Variants in RFT1 observed in about 807,000 individuals in gnomAD.
RFT1 encodes the protein RFT1 glycolipid translocator homolog, also known as man(5)GlcNAc(2)-PP-dolichol translocation protein RFT1.
A neutral mutation model predicts 62.2 loss-of-function variants in RFT1; 43 were observed. The observed-to-expected ratio is 0.69, with a 90% CI of 0.54 to 0.89. The LOEUF (loss-of-function observed/expected upper bound fraction) is 0.89, where lower values mean the gene tolerates loss of function less well. RFT1 is among the 40% of genes least tolerant of loss of function. The probability of loss-of-function intolerance (pLI) is 0.00; values close to 1 mark genes in which losing one functional copy is unlikely to be tolerated. For missense variants in RFT1, 605 were observed against 649.9 expected (o/e 0.93, Z 0.75); for synonymous variants, 262 against 264.6 (o/e 0.99, Z 0.10).
At chr3:53,077,972 C>T in the RFT1 span, 1 of 152,300 alleles carries the variant, frequency 6.6e-6, no homozygotes, top group African/African-American at 2.4e-5. Flanking sequence ...CGGTTTGGCC[C>T]ACTGACCTAC....
At chr3:53,105,900 G>A (rs1281035820) in intron 8 of RFT1, 97 bp from the exon 9 acceptor site, 3 of 1,176,246 alleles carry the variant, frequency 2.6e-6, no homozygotes, top group Non-Finnish European at 3.6e-6. Flanking sequence ...ATTAAAGTTT[G>A]TTTATCTTGA....
intron 3 of RFT1, 86 bp from the exon 4 acceptor site, chr3:53,122,649 A>T (rs577689247): frequency 1.2e-6 from 1 of 853,954 alleles, no homozygotes; most frequent in Admixed American, 3.4e-5. Flanking sequence ...AGAAAAAAAT[A>T]GTTATAATAC....
In RFT1 at chr3:53,107,093, A is replaced by C. The variant is rs142200246; in HGVS notation, c.776-224T>G. On this transcript the variant is annotated intron_variant, in intron 7 of 12. Transcript: ENST00000296292. ...TGACAGCAAATCTCCAAGCCAGTTA[A>C]ATTACAAATAAAAAAAAATAAAAAT... Among the ~76,000 whole-genome samples the C allele has an allele frequency of 1.2e-4, 19 of 152,086 alleles. No individual in the cohort carries two copies. In the East Asian group the frequency reaches 3.7e-3, roughly 29 times the overall value.
chr3:53,103,816 C>T (rs1438263291), intron 10 of RFT1, 137 bp downstream of exon 10: 3 of 1,096,292 alleles, frequency 2.7e-6, no homozygotes, highest in East Asian at 5.0e-5. Context: ...GGGGAACAGT[C>T]CCACAGCCCC....
intron 4 of RFT1, 35 bp downstream of exon 4, chr3:53,122,339 T>A (rs769341118): frequency 6.3e-7 from 1 of 1,595,930 alleles, no homozygotes; most frequent in Non-Finnish European, 8.6e-7. Flanking sequence ...TTCTTATTCT[T>A]CCCATTTCCC....
chr3:53,078,553 A>T, the RFT1 span, among the ~76,000 whole-genome samples: 1 of 152,174 alleles, frequency 6.6e-6, no homozygotes, highest in African/African-American at 2.4e-5. Context: ...AGCCTGGGCA[A>T]CATAGTGAGA....
In RFT1 at chr3:53,091,464, TTC is replaced by T. The variant is rs1341482075; in HGVS notation, c.*437_*438del. 2 of 204,854 alleles carry T rather than the reference TTC, an allele frequency of 9.8e-6. No individual in the cohort carries two copies. The highest frequency in any genetic ancestry group is 1.2e-4 in the East Asian group (1 of 8,678). 12.7% of individuals were successfully genotyped at this position (204,854 alleles called of 1,614,324 possible). ...CATGTGGTGCATGAGAGAGAGAGGT[TTC>T]TCTCTCTCTTTTACAGAAGAAGTTC... On this transcript the variant is annotated 3_prime_UTR_variant, in exon 13 of 13. Transcript: ENST00000296292.
chr3:53,101,136 T>C (rs951542628), intron 10 of RFT1, among the ~76,000 whole-genome samples: 1 of 152,138 alleles, frequency 6.6e-6, no homozygotes, highest in African/African-American at 2.4e-5. Flanking sequence ...AAAGGAATAC[T>C]AACAGGGCAG....
chr3:53,092,062 G>C lies in RFT1; in HGVS notation c.1467C>G (p.Leu489=). Residue 489 remains leucine (L), a synonymous_variant, in exon 13 of 13, where the codon CTC becomes CTG. Transcript: ENST00000296292. The stretch of plus-strand genomic sequence containing the variant: ...TGGCTGGCCAGCCCTGCTCACAGCA[G>C]AGGAATACCTGGGGAAAGAAACCAT... ...GGVTAVSEVF[L]CCEQGWPARL... 6.2e-7 allele frequency: 1 copy of C among 1,614,252 alleles called. No individual in the cohort carries two copies. The highest frequency in any genetic ancestry group is 8.5e-7 in the Non-Finnish European group (1 of 1,180,046).
intron 2 of RFT1, among the ~76,000 whole-genome samples, chr3:53,125,535 C>T (rs938988434): frequency 6.6e-6 from 1 of 152,224 alleles, no homozygotes; most frequent in Non-Finnish European, 1.5e-5. Flanking sequence ...CGCATCCTCA[C>T]AAACTACTGA....
rs753159285 is a variant in RFT1 at position 53,120,034 on chromosome 3, AT to A, written c.559-14del. 1.6e-5 allele frequency: 26 copies of A among 1,587,626 alleles called. No individual in the cohort carries two copies. Among genetic ancestry groups the A allele is most frequent in the East Asian group, 4.5e-5 (2 of 44,662 alleles). On this transcript the variant is annotated splice_polypyrimidine_tract_variant and intron_variant, in intron 5 of 12. Transcript: ENST00000296292. ...TGGTATAGAAAAGCTGAGAAAAAAAATAAACTGTTTTAATAAAGGCATAATT... is the reference window on the plus strand; with the variant it reads ...TGGTATAGAAAAGCTGAGAAAAAAAAAAACTGTTTTAATAAAGGCATAATT...
chr3:53,123,096 C>T (rs1376969950), intron 3 of RFT1, among the ~76,000 whole-genome samples: 1 of 152,222 alleles, frequency 6.6e-6, no homozygotes, highest in African/African-American at 2.4e-5. Context: ...AAAATGAACA[C>T]CTACCAGCCC....
In RFT1 at chr3:53,090,949, G is replaced by A. The variant is rs1473962401; in HGVS notation, c.*954C>T. 1.3e-5 allele frequency: 2 copies of A among 152,158 alleles called. No individual in the cohort carries two copies. The highest frequency in any genetic ancestry group is 2.9e-5 in the Non-Finnish European group (2 of 68,040). 9.4% of individuals were successfully genotyped at this position (152,158 alleles called of 1,614,324 possible). On this transcript the variant is annotated 3_prime_UTR_variant, in exon 13 of 13. Coordinates refer to ENST00000296292, the MANE Select transcript of RFT1 (RefSeq NM_052859.4). ...GTATTGATCAATGCTGGAATTAATG[G>A]GTCAACGGGAGGGACCTGACTCAGT... is the stretch of plus-strand genomic sequence containing the variant.
At chr3:53,095,194 C>T (rs931730410) in intron 11 of RFT1, among the ~76,000 whole-genome samples, 31 of 151,510 alleles carry the variant, frequency 2.0e-4, no homozygotes, top group African/African-American at 7.0e-4. Context: ...ACCCGGGATG[C>T]GGGGGTTGCA....
intron 11 of RFT1, among the ~76,000 whole-genome samples, chr3:53,096,876 C>A (rs907839644): frequency 1.3e-5 from 2 of 152,000 alleles, no homozygotes; most frequent in Admixed American, 1.3e-4. Context: ...TCGCGGGTAG[C>A]TGGGATTACA....
intron 11 of RFT1, 32 bp from the exon 12 acceptor site, chr3:53,092,650 G>A (rs1701030972): frequency 6.2e-7 from 1 of 1,601,422 alleles, no homozygotes; most frequent in Non-Finnish European, 8.5e-7. Context: ...GAGGGCAGTG[G>A]TGACCTTGCC....
chr3:53,100,177 C>T (rs571517989), intron 10 of RFT1, among the ~76,000 whole-genome samples: 2 of 152,298 alleles, frequency 1.3e-5, no homozygotes, highest in East Asian at 3.9e-4. Context: ...GAAGAAAAGA[C>T]CTTTAACAAA....
At chr3:53,092,198 G>T (rs1701010077) in intron 12 of RFT1, 128 bp from the exon 13 acceptor site, 4 of 1,388,010 alleles carry the variant, frequency 2.9e-6, no homozygotes, top group Non-Finnish European at 4.0e-6. Flanking sequence ...CATACTGCAG[G>T]TCCATTGTTT....
At position 53,097,077 on chromosome 3, in the gene RFT1, G is replaced by A. The variant is rs912588378; in HGVS notation, c.1208+2304C>T. Reference sequence around the variant, plus strand: ...TCTATTTTTATTCAGAAAAACACTGGTTAACCTTAAGTTGGTTAAGTAAAA... The same window carrying A: ...TCTATTTTTATTCAGAAAAACACTGATTAACCTTAAGTTGGTTAAGTAAAA... On this transcript the variant is annotated intron_variant, in intron 11 of 12. Transcript: ENST00000296292. 9.2e-5 allele frequency among the ~76,000 whole-genome samples: 14 copies of A among 152,234 alleles called. No individual in the cohort carries two copies. In the East Asian group the frequency reaches 2.1e-3, roughly 23 times the overall value.
Sources: allele counts gnomAD v4.1 joint callset (sites outside exome capture counted in the v4.1 genomes callset), GRCh38; gene constraint gnomAD v4.1.1; transcripts MANE v1.5; gene names NCBI Gene and HGNC (gene_info 2026-07-23, HGNC 2026-07-21).